Variants in KCNIP1 observed in about 807,000 individuals in gnomAD.
KCNIP1 encodes the protein A-type potassium channel modulatory protein KCNIP1.
In KCNIP1, 18 loss-of-function variants were observed where a neutral mutation model predicts 33.0. That is an observed-to-expected ratio of 0.55 (90% CI 0.38 to 0.81). The LOEUF is 0.81. Among genes scored for constraint, KCNIP1 ranks in the 30% least tolerant of loss-of-function variants. The pLI, the probability that KCNIP1 is intolerant of heterozygous loss-of-function variation, is 0.00. For synonymous variants in KCNIP1, 93 were observed against 98.3 expected (o/e 0.95, Z 0.32); for missense variants, 238 against 271.6 (o/e 0.88, Z 0.87).
intron 1 of KCNIP1, among the ~76,000 whole-genome samples, chr5:170,451,680 C>T (rs532756669): frequency 2.0e-5 from 3 of 149,794 alleles, no homozygotes; most frequent in Non-Finnish European, 3.0e-5. Context: ...CAACTTTGTA[C>T]ATACTATATG....
Position 170,623,194 on chromosome 5 carries a change from G to A in KCNIP1, c.62-95564G>A, listed in dbSNP as rs375463866. The stretch of plus-strand genomic sequence containing the variant: ...CCACAGACCCATCCGTGGCCCAGGG[G>A]ATTGGCGACCCCTGTCTTTTTTTTT... On this transcript the variant is annotated intron_variant, in intron 1 of 7. Coordinates refer to ENST00000328939, the MANE Select transcript of KCNIP1 (RefSeq NM_014592.4). 3.7e-4 allele frequency among the ~76,000 whole-genome samples: 56 copies of A among 150,680 alleles called. 1 individual carries two copies. In the East Asian group the frequency reaches 0.011, roughly 30 times the overall value.
At chr5:170,367,409 G>GAAAGA (rs1561586884) in intron 1 of KCNIP1, among the ~76,000 whole-genome samples, 1 of 111,514 alleles carries the variant, frequency 9.0e-6, no homozygotes, top group Non-Finnish European at 1.9e-5. Context: ...AAGAAAGAAA[G>GAAAGA]AAAGAAAGAA....
At chr5:170,727,166 C>T (rs1764038934) in intron 5 of KCNIP1, among the ~76,000 whole-genome samples, 1 of 152,218 alleles carries the variant, frequency 6.6e-6, no homozygotes, top group Non-Finnish European at 1.5e-5. Flanking sequence ...GTATGAAGCT[C>T]ATAAACCTCA....
chr5:170,682,445 T>G (rs1039433543), intron 1 of KCNIP1, among the ~76,000 whole-genome samples: 3 of 152,210 alleles, frequency 2.0e-5, no homozygotes, highest in African/African-American at 4.8e-5. Context: ...TATGTAAGGA[T>G]GTTTTTTAGC....
chr5:170,613,958 T>C (rs1759275257), intron 1 of KCNIP1, among the ~76,000 whole-genome samples: 1 of 152,128 alleles, frequency 6.6e-6, no homozygotes, highest in Non-Finnish European at 1.5e-5. Flanking sequence ...ACAGAATAAG[T>C]TCAACAAGAG....
chr5:170,395,082 A>G (rs1754724936), intron 1 of KCNIP1, among the ~76,000 whole-genome samples: 1 of 152,240 alleles, frequency 6.6e-6, no homozygotes, highest in Non-Finnish European at 1.5e-5. Context: ...TCTTTATGGT[A>G]GAATACTTTA....
At chr5:170,588,637 C>T (rs1049175069) in intron 1 of KCNIP1, among the ~76,000 whole-genome samples, 13 of 152,308 alleles carry the variant, frequency 8.5e-5, no homozygotes, top group Admixed American at 2.6e-4. Context: ...TGAAGTGTGG[C>T]TGCTGGGTAG....
chr5:170,562,342 G>T (rs1384240902), intron 1 of KCNIP1, among the ~76,000 whole-genome samples: 2 of 152,206 alleles, frequency 1.3e-5, no homozygotes, highest in Non-Finnish European at 2.9e-5. Flanking sequence ...GCTTCCTTGT[G>T]AAATCTGAGC....
intron 1 of KCNIP1, among the ~76,000 whole-genome samples, chr5:170,556,060 G>A (rs764189166): frequency 7.2e-5 from 11 of 152,124 alleles, no homozygotes; most frequent in Admixed American, 2.0e-4. Context: ...CAACTCAACC[G>A]TTTAGTGAAC....
intron 1 of KCNIP1, among the ~76,000 whole-genome samples, chr5:170,543,348 C>T (rs887557919): frequency 6.6e-6 from 1 of 152,118 alleles, no homozygotes; most frequent in African/African-American, 2.4e-5. Flanking sequence ...TGACTATTTA[C>T]TGTGATAGTG....
intron 1 of KCNIP1, among the ~76,000 whole-genome samples, chr5:170,649,904 G>A (rs1760968820): frequency 6.6e-6 from 1 of 152,174 alleles, no homozygotes; most frequent in African/African-American, 2.4e-5. Context: ...AAGCCAGAGA[G>A]GCTCGGTTGT....
intron 1 of KCNIP1, among the ~76,000 whole-genome samples, chr5:170,448,124 T>C (rs1026058968): frequency 2.0e-5 from 3 of 152,216 alleles, no homozygotes; most frequent in African/African-American, 7.2e-5. Context: ...AGGACAGAAG[T>C]GCATCTATTT....
chr5:170,473,872 C>G (rs1427053487), intron 1 of KCNIP1, among the ~76,000 whole-genome samples: 1 of 152,170 alleles, frequency 6.6e-6, no homozygotes, highest in East Asian at 1.9e-4. Context: ...AGCCTCACAC[C>G]AGGGTGTGGC....
chr5:170,682,637 C>G (rs973217735), intron 1 of KCNIP1, among the ~76,000 whole-genome samples: 1 of 152,144 alleles, frequency 6.6e-6, no homozygotes, highest in African/African-American at 2.4e-5. Flanking sequence ...AAGATCCAAA[C>G]TCAACCTGCC....
At chr5:170,636,553 C>T (rs372309806) in intron 1 of KCNIP1, among the ~76,000 whole-genome samples, 3 of 152,250 alleles carry the variant, frequency 2.0e-5, no homozygotes, top group African/African-American at 7.2e-5. Context: ...TCATCAATGG[C>T]TCAATCAATA....
chr5:170,608,366 A>G (rs1168840365), intron 1 of KCNIP1, among the ~76,000 whole-genome samples: 1 of 152,232 alleles, frequency 6.6e-6, no homozygotes, highest in Non-Finnish European at 1.5e-5. Context: ...GTCAGACAAG[A>G]TCAGTTGTGT....
At chr5:170,642,083 A>T (rs1760586191) in intron 1 of KCNIP1, 1 of 152,310 alleles carries the variant, frequency 6.6e-6, no homozygotes, top group African/African-American at 2.4e-5. Flanking sequence ...GGATTGTGAC[A>T]TCTTTGGAGG....
chr5:170,727,172 C>A lies in KCNIP1; in HGVS notation c.435+4352C>A, dbSNP rs532293557. 7.2e-5 allele frequency among the ~76,000 whole-genome samples: 11 copies of A among 152,320 alleles called. No individual in the cohort carries two copies. In the South Asian group the frequency reaches 2.3e-3, roughly 32 times the overall value. The stretch of plus-strand genomic sequence containing the variant: ...CAGCAATGTGTATGAAGCTCATAAA[C>A]CTCATGCTGAGTAAATGAAGCCAGA... On this transcript the variant is annotated intron_variant, in intron 5 of 7. Coordinates refer to ENST00000328939, the MANE Select transcript of KCNIP1 (RefSeq NM_014592.4).
intron 1 of KCNIP1, among the ~76,000 whole-genome samples, chr5:170,587,753 A>C (rs1012518802): frequency 1.3e-5 from 2 of 152,266 alleles, no homozygotes; most frequent in African/African-American, 4.8e-5. Context: ...ATAATTCAGG[A>C]TAATCTCTTC....
Sources: gnomAD v4.1 joint callset for allele counts (sites outside exome capture counted in the v4.1 genomes callset) on GRCh38, gnomAD v4.1.1 for gene constraint, MANE v1.5 for transcripts, NCBI Gene and HGNC (gene_info 2026-07-23, HGNC 2026-07-21) for gene names.